PPP2R3B: variants seen among roughly 807,000 people sequenced by gnomAD.
PPP2R3B encodes protein phosphatase 2 regulatory subunit B''beta.
A neutral mutation model predicts 72.9 loss-of-function variants in PPP2R3B; 68 were observed. The ratio of observed to expected loss-of-function variants is 0.93; its 90% confidence interval spans 0.77 to 1.14. PPP2R3B has a LOEUF of 1.14. Ranked by LOEUF, PPP2R3B falls within the 50% of genes most tolerant of loss-of-function variation. The probability of loss-of-function intolerance (pLI) is 0.00; values close to 1 mark genes in which losing one functional copy is unlikely to be tolerated. For missense variants in PPP2R3B, 1,018 were observed against 842.0 expected, an observed-to-expected ratio of 1.21 and a Z score of -2.59; for synonymous variants, 466 against 375.8, an observed-to-expected ratio of 1.24 and a Z score of -2.78.
In PPP2R3B at chrX:334,478, A is replaced by G. The variant is rs777588089; in HGVS notation, c.1617T>C (p.Ser539=). ...AELSPVEQKL[S]ALRSPLAQRP... ...TCTGGGCCAGCGGGGAGCGCAGCGC[A>G]CTCAGCTTCTGCTCCACAGGGCTGA... Residue 539 remains serine (S), a synonymous_variant, in exon 13 of 13, where the codon AGT becomes AGC. Transcript: ENST00000390665. 8 of 1,586,542 alleles carry G rather than the reference A, an allele frequency of 5.0e-6. No individual in the cohort carries two copies. The East Asian group carries it at 1.4e-4, about 27-fold the overall frequency.
chrX:364,753 CAT>C (rs1432504126), intron 1 of PPP2R3B, among the ~76,000 whole-genome samples: 47 of 75,480 alleles, frequency 6.2e-4, no homozygotes, highest in South Asian at 2.4e-3. Flanking sequence ...TGTGGTGGCG[CAT>C]GCCTGTACTC....
At chrX:371,496 T>G (rs2071863052) in intron 1 of PPP2R3B, among the ~76,000 whole-genome samples, 1 of 151,534 alleles carries the variant, frequency 6.6e-6, no homozygotes. Flanking sequence ...GCCAGGGGGT[T>G]AGTGGGAACA....
intron 1 of PPP2R3B, among the ~76,000 whole-genome samples, chrX:363,526 AGTGCATCTCCCCGAGCCCGCGATCCCG>A (rs1317205668): frequency 2.8e-5 from 4 of 142,816 alleles, no homozygotes; most frequent in African/African-American, 5.3e-5. Context: ...GCGATCCCGC[AGTGCATCTCCCCGAGCCCGCGATCCCG>A]CAGTGCATCT....
intron 1 of PPP2R3B, among the ~76,000 whole-genome samples, chrX:377,530 G>A (rs367933626): frequency 1.0e-4 from 5 of 49,976 alleles, no homozygotes; most frequent in Admixed American, 1.9e-4. Flanking sequence ...ACACTACTGT[G>A]TACAGGGACG....
intron 1 of PPP2R3B, among the ~76,000 whole-genome samples, chrX:384,878 G>A (rs1232497505): frequency 1.3e-5 from 2 of 151,438 alleles, no homozygotes; most frequent in Non-Finnish European, 2.9e-5. Flanking sequence ...ACAGCTACTC[G>A]GGAGGCTGAG....
At chrX:368,895 G>T (rs932686242) in intron 1 of PPP2R3B, among the ~76,000 whole-genome samples, 5 of 150,236 alleles carry the variant, frequency 3.3e-5, no homozygotes, top group African/African-American at 1.2e-4. Context: ...GCACCGACGG[G>T]GGGAAAGCCG....
Position 338,614 on chromosome X carries a change from A to T in PPP2R3B, c.1567T>A (p.Trp523Arg). The T allele has an allele frequency of 6.2e-7, 1 of 1,602,606 alleles. No homozygotes were observed. Among genetic ancestry groups the T allele is most frequent in the Non-Finnish European group, 8.5e-7 (1 of 1,177,570 alleles). ...GTCCTCCCCACTCACCCGTCCTCCCAGGGCTCTCCCGCAGTCTCCTCGGCC... is the reference window on the plus strand; with the variant it reads ...GTCCTCCCCACTCACCCGTCCTCCCTGGGCTCTCCCGCAGTCTCCTCGGCC... ...LVAEETAGEP[W>R]EDGFEAELSP... The change falls in exon 12 of 13, where the codon TGG (tryptophan) becomes AGG (arginine). Residue 523 changes from tryptophan to arginine, a missense_variant. Coordinates refer to ENST00000390665, the MANE Select transcript of PPP2R3B (RefSeq NM_013239.5).
chrX:340,399 C>G lies in PPP2R3B; in HGVS notation c.1351+366G>C, dbSNP rs1347427846. Among the ~76,000 whole-genome samples, 3 of 151,666 alleles carry G rather than the reference C, an allele frequency of 2.0e-5. 1 individual carries two copies. Among genetic ancestry groups the G allele is most frequent in the African/African-American group, 7.3e-5 (3 of 41,236 alleles). On this transcript the variant is annotated intron_variant, in intron 10 of 12. Transcript: ENST00000390665. ...GCACCTGTGGTGCTGGCCCTCCTCA[C>G]AAACTCAGTAGGACAGCGCCTCACA...
chrX:347,926 C>A, intron 2 of PPP2R3B: 1 of 517,466 alleles, frequency 1.9e-6, no homozygotes, highest in East Asian at 3.3e-5. Context: ...CCCCTGACCA[C>A]AGACCACGCG....
chrX:375,492 A>C lies in PPP2R3B; in HGVS notation c.324+10876T>G, dbSNP rs950936056. Among the ~76,000 whole-genome samples, 4 of 145,702 alleles carry C rather than the reference A, an allele frequency of 2.7e-5. 1 individual carries two copies. Among genetic ancestry groups the C allele is most frequent in the African/African-American group, 1.1e-4 (4 of 36,910 alleles). ...AACTCACAGGGCAGAGGTGCGGCCC[A>C]GTAACCCATGATGTGGGGCACAAAC... On this transcript the variant is annotated intron_variant, in intron 1 of 12. Transcript: ENST00000390665.
chrX:338,247 G>C (rs1286221068), intron 12 of PPP2R3B: 1 of 431,382 alleles, frequency 2.3e-6, no homozygotes, highest in Admixed American at 3.7e-5. Flanking sequence ...GAATGGCCAC[G>C]GGCCCTGCAG....
intron 1 of PPP2R3B, among the ~76,000 whole-genome samples, chrX:384,677 C>T (rs1206377482): frequency 6.6e-6 from 1 of 152,078 alleles, no homozygotes; most frequent in Non-Finnish European, 1.5e-5. Context: ...GTAACTACAG[C>T]TTTGACTGGG....
chrX:362,587 G>A (rs757428354), intron 1 of PPP2R3B, among the ~76,000 whole-genome samples: 72 of 151,294 alleles, frequency 4.8e-4, no homozygotes, highest in Middle Eastern at 3.4e-3. Context: ...ATGGGGCTGC[G>A]TCCTCCTCCT....
At chrX:373,769 C>A in intron 1 of PPP2R3B, 1 of 149,844 alleles carries the variant, frequency 6.7e-6, no homozygotes, top group South Asian at 2.0e-4. Flanking sequence ...CAGCGCGCTC[C>A]ATGCGTCGCC....
rs777541357 is a variant in PPP2R3B at position 341,021 on chromosome X, G to A, written c.1176-81C>T. 145 of 1,540,986 alleles carry A rather than the reference G, an allele frequency of 9.4e-5. No individual in the cohort carries two copies. The African/African-American group carries it at 9.6e-4, about 10-fold the overall frequency. On this transcript the variant is annotated intron_variant, in intron 9 of 12. Coordinates refer to ENST00000390665, the MANE Select transcript of PPP2R3B (RefSeq NM_013239.5). ...TGCAGCCCCTGAGGCAGCCCCCACC[G>A]GGGGTGCACGCGTCCCCGCTGTGCC...
At chrX:379,969 C>T (rs1269996808) in intron 1 of PPP2R3B, among the ~76,000 whole-genome samples, 2 of 152,136 alleles carry the variant, frequency 1.3e-5, no homozygotes, top group Non-Finnish European at 1.5e-5. Context: ...AACAGACGTA[C>T]GTACTCAACT....
At chrX:363,835 G>A (rs1442396189) in intron 1 of PPP2R3B, among the ~76,000 whole-genome samples, 5 of 152,370 alleles carry the variant, frequency 3.3e-5, no homozygotes, top group East Asian at 1.9e-4. Context: ...TTTGGGGTAC[G>A]GAACTGACCC....
chrX:362,540 G>T (rs2071564133), intron 1 of PPP2R3B, among the ~76,000 whole-genome samples: 1 of 151,338 alleles, frequency 6.6e-6, no homozygotes, highest in African/African-American at 2.4e-5. Context: ...CTACTCAGGG[G>T]ACAGGGCTGT....
chrX:361,436 GC>G lies in PPP2R3B; in HGVS notation c.478del (p.Ala160ProfsTer63). ...CACCAGGCCCATGTCATCCATGGTGGCCCTCTCGTGGGGGAACCGGGCGAAG... is the reference window on the plus strand; with the variant it reads ...CACCAGGCCCATGTCATCCATGGTGGCCTCTCGTGGGGGAACCGGGCGAAG... ...STFARFPHER[A>X]TMDDMGLVAK... is the part of the protein sequence containing the mutation. On this transcript the variant is annotated frameshift_variant, in exon 2 of 13. Coordinates refer to ENST00000390665, the MANE Select transcript of PPP2R3B (RefSeq NM_013239.5). LOFTEE classifies it high-confidence loss of function. 3.1e-6 allele frequency: 5 copies of G among 1,614,002 alleles called. No individual in the cohort carries two copies. Among genetic ancestry groups the G allele is most frequent in the Non-Finnish European group, 4.2e-6 (5 of 1,179,854 alleles).
Sources: allele counts gnomAD v4.1 joint callset (sites outside exome capture counted in the v4.1 genomes callset), GRCh38; gene constraint gnomAD v4.1.1; transcripts MANE v1.5; gene names NCBI Gene and HGNC (gene_info 2026-07-23, HGNC 2026-07-21).